The following PHGDH variants were observed in gnomAD, a reference collection of about 807,000 sequenced individuals.
PHGDH encodes D-3-phosphoglycerate dehydrogenase.
A neutral mutation model predicts 52.6 loss-of-function variants in PHGDH; 50 were observed. The ratio of observed to expected loss-of-function variants is 0.95; its 90% confidence interval spans 0.76 to 1.20. PHGDH has a LOEUF of 1.20. PHGDH is among the 50% of genes most tolerant of loss of function. The pLI is 0.00. For synonymous variants in PHGDH, 271 were observed against 280.5 expected, an observed-to-expected ratio of 0.97 and a Z score of 0.34; for missense variants, 630 against 684.6, an observed-to-expected ratio of 0.92 and a Z score of 0.89.
rs747383553 is a variant in PHGDH, at chr1:119,743,990, C to G, written c.1552C>G (p.Leu518Val). ...VMGISSLLPS[L>V]EAWKQHVTEA... ...GGGCATCTCCTCCTTGCTGCCCAGC[C>G]TGGAAGCGTGGAAGCAGCATGTGAC... The change falls in exon 12 of 12, where the codon CTG becomes GTG. Residue 518 changes from leucine to valine, a missense_variant. Transcript: ENST00000641023. 1.2e-6 allele frequency: 2 copies of G among 1,614,118 alleles called. No homozygotes were observed. Among genetic ancestry groups the G allele is most frequent in the South Asian group, 2.2e-5 (2 of 91,080 alleles).
chr1:119,741,720 A>G, intron 9 of PHGDH, 47 bp from the exon 10 acceptor site: 1 of 1,587,146 alleles, frequency 6.3e-7, no homozygotes, highest in Non-Finnish European at 8.7e-7. Flanking sequence ...CCCCTCCTGT[A>G]GTGCTCAACA....
At chr1:119,722,163 T>C (rs1299926163) in intron 2 of PHGDH, among the ~76,000 whole-genome samples, 1 of 152,228 alleles carries the variant, frequency 6.6e-6, no homozygotes, top group Non-Finnish European at 1.5e-5. Flanking sequence ...ATTCTTGCCT[T>C]GGACCCAGAG....
In PHGDH at chr1:119,723,404, G is replaced by A. The variant is rs199809714; in HGVS notation, c.319G>A (p.Ala107Thr). 6.8e-5 allele frequency: 110 copies of A among 1,613,772 alleles called. No homozygotes were observed. Among genetic ancestry groups the A allele is most frequent in the South Asian group, 1.6e-4 (15 of 91,070 alleles). The stretch of plus-strand genomic sequence containing the variant: ...CCCCAATGGGAACAGCCTCAGTGCC[G>A]CAGAACTCACTTGTGGAATGATCAT... ...NTPNGNSLSA[A>T]ELTCGMIMCL... is the part of the protein sequence containing the mutation. The change falls in exon 3 of 12, where the codon GCA becomes ACA. Residue 107 changes from alanine (A) to threonine (T), a missense_variant. By Grantham distance (58) the Ala-to-Thr change is moderately conservative (BLOSUM62 0). Transcript: ENST00000641023.
chr1:119,713,306 G>A (rs1393273502), intron 1 of PHGDH: 5 of 152,390 alleles, frequency 3.3e-5, no homozygotes, highest in Admixed American at 6.5e-5. Flanking sequence ...TGCTTTAGTT[G>A]TGCCACAACC....
Position 119,733,578 on chromosome 1 carries a change from C to T in PHGDH, c.511-1056C>T, listed in dbSNP as rs146073057. On this transcript the variant is annotated intron_variant, in intron 5 of 11. Transcript: ENST00000641023. ...CTCTGACTCCTGGGGTCAAATGATCCTCCTGCCTCAGCCTCCCAAAGTGCT... is the reference window on the plus strand; with the variant it reads ...CTCTGACTCCTGGGGTCAAATGATCTTCCTGCCTCAGCCTCCCAAAGTGCT... 2.9e-3 allele frequency among the ~76,000 whole-genome samples: 443 copies of T among 152,062 alleles called. 2 individuals carry two copies. The highest frequency in any genetic ancestry group is 0.01 in the African/African-American group (424 of 41,468).
Position 119,712,172 on chromosome 1 carries a change from GA to G in PHGDH, c.138+13del, listed in dbSNP as rs761263696. The stretch of plus-strand genomic sequence containing the variant: ...TAGCGGAGCTGCAGGTAAGGCGAGA[GA>G]GAGAAAATTGAGGTCTCTAGGGCAA... On this transcript the variant is annotated intron_variant, in intron 1 of 11. Transcript: ENST00000641023. The G allele has an allele frequency of 1.2e-6, 2 of 1,613,402 alleles. No homozygotes were observed. The highest frequency in any genetic ancestry group is 8.5e-7 in the Non-Finnish European group (1 of 1,179,658).
intron 5 of PHGDH, 199 bp downstream of exon 5, chr1:119,727,301 G>A: frequency 1.6e-6 from 1 of 614,312 alleles, no homozygotes; most frequent in East Asian, 2.9e-5. Flanking sequence ...GAAATACTTG[G>A]TGGGGGTCCT....
At chr1:119,723,160 G>A (rs1022012826) in intron 2 of PHGDH, among the ~76,000 whole-genome samples, 1 of 152,190 alleles carries the variant, frequency 6.6e-6, no homozygotes, top group Non-Finnish European at 1.5e-5. Flanking sequence ...CTCTAATGGA[G>A]GTCCCTCTGC....
chr1:119,715,902 G>T (rs1361027730), intron 1 of PHGDH: 3 of 152,416 alleles, frequency 2.0e-5, no homozygotes, highest in Non-Finnish European at 4.4e-5. Flanking sequence ...AGTTTTAATC[G>T]CAAACTGCAG....
At chr1:119,731,295 C>T (rs587667858) in intron 5 of PHGDH, among the ~76,000 whole-genome samples, 34 of 152,278 alleles carry the variant, frequency 2.2e-4, no homozygotes, top group South Asian at 6.2e-4. Flanking sequence ...GTTGTGTCTG[C>T]GAGAGACTTT....
At chr1:119,712,696 G>C (rs1650752415) in intron 1 of PHGDH, 1 of 188,334 alleles carries the variant, frequency 5.3e-6, no homozygotes, top group Admixed American at 5.4e-5. Flanking sequence ...GTCGGGGGGC[G>C]GGGGGAAGCT....
At chr1:119,728,776 C>T (rs777225670) in intron 5 of PHGDH, among the ~76,000 whole-genome samples, 6 of 152,290 alleles carry the variant, frequency 3.9e-5, no homozygotes, top group African/African-American at 1.2e-4. Flanking sequence ...TAGGGAATTA[C>T]AGGGATTATG....
At chr1:119,734,527 T>C in intron 5 of PHGDH, 107 bp from the exon 6 acceptor site, 1 of 1,009,122 alleles carries the variant, frequency 9.9e-7, no homozygotes, top group Non-Finnish European at 1.6e-6. Context: ...AAGCTGAGCA[T>C]GGTAGTTAGT....
chr1:119,718,045 C>T (rs969382960), intron 1 of PHGDH, among the ~76,000 whole-genome samples: 9 of 152,190 alleles, frequency 5.9e-5, no homozygotes, highest in South Asian at 2.1e-4. Context: ...TTGCTCTTCT[C>T]GACAGAGGCA....
chr1:119,737,387 G>A, intron 8 of PHGDH, 121 bp downstream of exon 8: 1 of 880,470 alleles, frequency 1.1e-6, no homozygotes, highest in Admixed American at 2.3e-5. Context: ...TGAAGATAAG[G>A]GAAATCTGCT....
At chr1:119,726,949 G>T (rs587737650) in intron 4 of PHGDH, 44 bp downstream of exon 4, 2 of 1,608,174 alleles carry the variant, frequency 1.2e-6, no homozygotes, top group East Asian at 4.5e-5. Flanking sequence ...TCAGGGCCCG[G>T]GGTCCACTCA....
rs1652224641 is a variant in PHGDH at position 119,741,873 on chromosome 1, G to C, written c.1185G>C (p.Leu395=). 1 of 1,614,068 alleles carries C rather than the reference G, an allele frequency of 6.2e-7. No homozygotes were observed. Among genetic ancestry groups the C allele is most frequent in the East Asian group, 2.2e-5 (1 of 44,890 alleles). The change falls in exon 10 of 12, where the codon CTG becomes CTC. Residue 395 remains leucine (L), a synonymous_variant. Coordinates refer to ENST00000641023, the MANE Select transcript of PHGDH (RefSeq NM_006623.4). ...ATGTGAACTTGGTGAACGCTAAGCT[G>C]CTGGTGAAAGAGGCTGGCCTCAATG... The part of the protein sequence containing the change: ...QADVNLVNAK[L]LVKEAGLNVT...
At chr1:119,720,167 AC>A (rs1651086105) in intron 1 of PHGDH, 1 of 152,228 alleles carries the variant, frequency 6.6e-6, no homozygotes, top group African/African-American at 2.4e-5. Flanking sequence ...AGAACCACAT[AC>A]CACAGGATTC....
In PHGDH at chr1:119,737,202, G is replaced by A. The variant is rs147049991; in HGVS notation, c.881G>A (p.Arg294His). 4.3e-5 allele frequency: 69 copies of A among 1,614,028 alleles called. No homozygotes were observed. Among genetic ancestry groups the A allele is most frequent in the Admixed American group, 1.3e-4 (8 of 60,014 alleles). Residue 294 changes from arginine to histidine, a missense_variant, in exon 8 of 12, where the codon CGC becomes CAC. Transcript: ENST00000641023. Reference sequence around the variant, plus strand: ...GCCAGCACCAAGGAGGCTCAGAGCCGCTGTGGGGAGGAAATTGCTGTTCAG... The same window carrying A: ...GCCAGCACCAAGGAGGCTCAGAGCCACTGTGGGGAGGAAATTGCTGTTCAG... ...LGASTKEAQS[R>H]CGEEIAVQFV... is the part of the protein sequence containing the mutation.
Sources: allele counts gnomAD v4.1 joint callset (sites outside exome capture counted in the v4.1 genomes callset), GRCh38; gene constraint gnomAD v4.1.1; transcripts MANE v1.5; gene names NCBI Gene and HGNC (gene_info 2026-07-23, HGNC 2026-07-21).